CELSR1: variants seen among roughly 807,000 people sequenced by gnomAD.
CELSR1 encodes cadherin EGF LAG seven-pass G-type receptor 1, also known as adhesion G protein-coupled receptor C1.
A neutral mutation model predicts 249.1 loss-of-function variants in CELSR1; 110 were observed. The ratio of observed to expected loss-of-function variants is 0.44; its 90% confidence interval spans 0.38 to 0.52. The LOEUF (loss-of-function observed/expected upper bound fraction) is 0.52. CELSR1 is among the 20% of genes least tolerant of loss of function. CELSR1 has a pLI of 0.00. For synonymous variants in CELSR1, 2,113 were observed against 1,900.0 expected, an observed-to-expected ratio of 1.11 and a Z score of -2.92; for missense variants, 4,109 against 4,296.4, an observed-to-expected ratio of 0.96 and a Z score of 1.22.
Position 46,390,612 on chromosome 22 carries a change from G to A in CELSR1, c.6251-126C>T. On this transcript the variant is annotated intron_variant, in intron 16 of 34. Coordinates refer to ENST00000674500, the MANE Select transcript of CELSR1 (RefSeq NM_001378328.1). This position sits in a 1 kb window ranked among gnomAD's most constrained non-coding sequence, Gnocchi z 6.3. ...TGCGTGGTGGTTAGAACCCCATGGG[G>A]GCCAGGAGGTCGACACCAGCGCCCC... The A allele has an allele frequency of 1.4e-6, 1 of 726,194 alleles. No individual in the cohort carries two copies. The highest frequency in any genetic ancestry group is 2.7e-5 in the Admixed American group (1 of 37,472). The allele number at this position is 726,194 out of a possible 1,614,324, so 45.0% of individuals were successfully genotyped here. A position where few individuals can be genotyped will look rare whatever the true frequency, so the allele number is the denominator to read the frequency against.
intron 28 of CELSR1, 115 bp from the exon 29 acceptor site, chr22:46,367,233 AC>A (rs1418295102): frequency 2.2e-6 from 3 of 1,354,526 alleles, no homozygotes; most frequent in East Asian, 2.5e-5. Context: ...GTCCGGCCAC[AC>A]GGCCCAGGAC....
intron 1 of CELSR1, among the ~76,000 whole-genome samples, chr22:46,531,847 G>A (rs34464113): frequency 6.6e-6 from 1 of 152,154 alleles, no homozygotes; most frequent in Non-Finnish European, 1.5e-5. Flanking sequence ...GTGTGTTGGG[G>A]CGGTGGTGGT....
intron 2 of CELSR1, among the ~76,000 whole-genome samples, chr22:46,442,965 G>A (rs1193373612): frequency 2.0e-5 from 3 of 152,160 alleles, no homozygotes; most frequent in Non-Finnish European, 4.4e-5. Flanking sequence ...GGGTGTGTTG[G>A]CGGGCGCCTG....
rs140951495 is a variant in CELSR1, at chr22:46,413,850, C to T, written c.4612-2091G>A. Among the ~76,000 whole-genome samples the T allele has an allele frequency of 2.0e-3, 300 of 152,304 alleles. 3 individuals carry two copies. Among genetic ancestry groups the T allele is most frequent in the Non-Finnish European group, 3.8e-4 (26 of 68,028 alleles). ...AGATGCGATCCCAGGGAAAGGAGAA[C>T]CTCCCCTCACTTTGTGAGCCCCACC... On this transcript the variant is annotated intron_variant, in intron 5 of 34. Transcript: ENST00000674500. The surrounding 1 kb of genome is among the most constrained non-coding windows in gnomAD (Gnocchi z 4.7).
Position 46,534,362 on chromosome 22 carries a change from C to T in CELSR1, c.2809G>A (p.Gly937Ser), listed in dbSNP as rs778950930. The T allele has an allele frequency of 3.7e-6, 6 of 1,612,818 alleles. No individual in the cohort carries two copies. The highest frequency in any genetic ancestry group is 2.7e-5 in the African/African-American group (2 of 74,936). ...LLYTFQGGDDGDGDFYIEPTS... is the reference protein window; with the variant it reads ...LLYTFQGGDDSDGDFYIEPTS... ...GGCTCGATGTAGAAGTCCCCATCGC[C>T]GTCGTCCCCACCCTGGAAGGTGTAC... The change falls in exon 1 of 35, where the codon GGC becomes AGC. Residue 937 changes from glycine (G) to serine (S), a missense_variant. Physicochemically the swap from Gly to Ser is moderately conservative, Grantham distance 56. This residue lies in a region of CELSR1 where 886 missense variants were observed against 896.5 expected (regional missense o/e 0.99). Coordinates refer to ENST00000674500, the MANE Select transcript of CELSR1 (RefSeq NM_001378328.1). The surrounding 1 kb of genome is among the most constrained non-coding windows in gnomAD (Gnocchi z 9.7).
intron 27 of CELSR1, 160 bp downstream of exon 27, chr22:46,369,019 G>C: frequency 3.4e-6 from 2 of 584,102 alleles, no homozygotes; most frequent in South Asian, 1.9e-5. Flanking sequence ...CAGGTGCAAC[G>C]TGGCAAACCT....
At position 46,409,998 on chromosome 22, in the gene CELSR1, C is replaced by T. The variant is rs2079314176; in HGVS notation, c.4934-118G>A. 1.4e-6 allele frequency: 2 copies of T among 1,395,724 alleles called. No homozygotes were observed. The highest frequency in any genetic ancestry group is 2.0e-6 in the Non-Finnish European group (2 of 1,015,654). 86.5% of individuals were successfully genotyped at this position (1,395,724 alleles called of 1,614,324 possible). A position where few individuals can be genotyped will look rare whatever the true frequency, so the allele number is the denominator to read the frequency against. ...GACCCGGGGCTGGACAGAAGTCAGA[C>T]CAGGTCTGAACGCCCCTGGCAACGG... On this transcript the variant is annotated intron_variant, in intron 7 of 34. Transcript: ENST00000674500. This position sits in a 1 kb window ranked among gnomAD's most constrained non-coding sequence, Gnocchi z 9.8.
Position 46,402,961 on chromosome 22 carries a change from C to A in CELSR1, c.5227-3059G>T, listed in dbSNP as rs2079224113. Among the ~76,000 whole-genome samples, 1 of 152,058 alleles carries A rather than the reference C, an allele frequency of 6.6e-6. No individual in the cohort carries two copies. On this transcript the variant is annotated intron_variant, in intron 9 of 34. Transcript: ENST00000674500. This position sits in a 1 kb window ranked among gnomAD's most constrained non-coding sequence, Gnocchi z 5.0. Reference sequence around the variant, plus strand: ...GAAAGTAAAAGGATAGAAAAAAATACATCATATAAATACCAACCAAAAGAC... The same window carrying A: ...GAAAGTAAAAGGATAGAAAAAAATAAATCATATAAATACCAACCAAAAGAC...
chr22:46,363,875 C>T lies in CELSR1; in HGVS notation c.9035+121G>A, dbSNP rs2147149757. 3.0e-6 allele frequency: 4 copies of T among 1,337,738 alleles called. No homozygotes were observed. The highest frequency in any genetic ancestry group is 2.9e-5 in the Admixed American group (1 of 33,924). The allele number at this position is 1,337,738 out of a possible 1,614,324, so 82.9% of individuals were successfully genotyped here. ...CCTCCCCCATCCCCGCCTGGGCTTC[C>T]TCTGCACTCAGGGCTCCAGGTGAGG... On this transcript the variant is annotated intron_variant, in intron 34 of 34. Coordinates refer to ENST00000674500, the MANE Select transcript of CELSR1 (RefSeq NM_001378328.1). The surrounding 1 kb of genome is among the most constrained non-coding windows in gnomAD (Gnocchi z 4.3).
rs775503253 is a variant in CELSR1 at position 46,433,449 on chromosome 22, G to A, written c.4555C>T (p.Pro1519Ser). Residue 1519 changes from proline to serine, a missense_variant, in exon 5 of 35, where the codon CCC becomes TCC. Transcript: ENST00000674500. The surrounding 1 kb of genome is among the most constrained non-coding windows in gnomAD (Gnocchi z 5.7). ...ETTTTVAPKV[P>S]SGVSDGRWHS... Reference sequence around the variant, plus strand: ...CACCGCCCGTCACTCACACCACTGGGAACCTTCGGTGCCACGGTCGTTGTT... The same window carrying A: ...CACCGCCCGTCACTCACACCACTGGAAACCTTCGGTGCCACGGTCGTTGTT... 3 of 1,614,050 alleles carry A rather than the reference G, an allele frequency of 1.9e-6. No homozygotes were observed. Among genetic ancestry groups the A allele is most frequent in the African/African-American group, 2.7e-5 (2 of 75,060 alleles).
intron 1 of CELSR1, among the ~76,000 whole-genome samples, chr22:46,483,795 G>A (rs1417416987): frequency 1.3e-5 from 2 of 152,172 alleles, no homozygotes; most frequent in African/African-American, 4.8e-5. Context: ...TCCTGCCAAG[G>A]TAGAGTGAGG....
chr22:46,364,102 C>T lies in CELSR1; in HGVS notation c.8929G>A (p.Ala2977Thr), dbSNP rs778590086. 9.3e-6 allele frequency: 15 copies of T among 1,612,112 alleles called. No individual in the cohort carries two copies. The East Asian group carries it at 1.8e-4, about 19-fold the overall frequency. Residue 2977 changes from alanine to threonine, a missense_variant, in exon 34 of 35, where the codon GCC becomes ACC. By Grantham distance (58) the Ala-to-Thr change is moderately conservative (BLOSUM62 0). Coordinates refer to ENST00000674500, the MANE Select transcript of CELSR1 (RefSeq NM_001378328.1). Reference sequence around the variant, plus strand: ...CTCCCAGGGCTCTTGACTGTGATGGCGCAGTCGGGGCCGCCAGAGCCCAGG... The same window carrying T: ...CTCCCAGGGCTCTTGACTGTGATGGTGCAGTCGGGGCCGCCAGAGCCCAGG... ...SSLGSGGPDC[A>T]ITVKSPGREP...
intron 1 of CELSR1, among the ~76,000 whole-genome samples, chr22:46,497,610 C>A (rs1248743509): frequency 2.6e-5 from 4 of 152,116 alleles, no homozygotes; most frequent in African/African-American, 7.2e-5. Flanking sequence ...GAGTTAGGGC[C>A]CCTAATCCAG....
intron 25 of CELSR1, among the ~76,000 whole-genome samples, chr22:46,371,214 G>C (rs148942255): frequency 1.3e-5 from 2 of 152,138 alleles, no homozygotes; most frequent in African/African-American, 2.4e-5. Context: ...AGTCACATCA[G>C]AACACCCTAG....
chr22:46,381,107 T>C lies in CELSR1; in HGVS notation c.7089-152A>G. The C allele has an allele frequency of 1.3e-6, 1 of 768,634 alleles. No homozygotes were observed. The highest frequency in any genetic ancestry group is 2.1e-6 in the Non-Finnish European group (1 of 483,064). 47.6% of individuals were successfully genotyped at this position (768,634 alleles called of 1,614,324 possible). ...GCTCGGACCCACGGACCCCACAGTATCTTCATCCCTAGAGCAGGTTTTATC... is the reference window on the plus strand; with the variant it reads ...GCTCGGACCCACGGACCCCACAGTACCTTCATCCCTAGAGCAGGTTTTATC... On this transcript the variant is annotated intron_variant, in intron 21 of 34. Transcript: ENST00000674500. This position sits in a 1 kb window ranked among gnomAD's most constrained non-coding sequence, Gnocchi z 6.0.
chr22:46,457,002 C>T (rs1013677684), intron 2 of CELSR1, among the ~76,000 whole-genome samples: 1 of 152,140 alleles, frequency 6.6e-6, no homozygotes, highest in African/African-American at 2.4e-5. Context: ...GGCTACTCAC[C>T]TACTCGGTTC....
intron 1 of CELSR1, among the ~76,000 whole-genome samples, chr22:46,485,534 T>C (rs2080304865): frequency 6.6e-6 from 1 of 152,244 alleles, no homozygotes; most frequent in Non-Finnish European, 1.5e-5. Flanking sequence ...TGGCTCATTA[T>C]GGAGGATCCG....
At chr22:46,385,955 G>C (rs2079029006) in intron 19 of CELSR1, among the ~76,000 whole-genome samples, 1 of 147,180 alleles carries the variant, frequency 6.8e-6, no homozygotes, top group South Asian at 2.1e-4. Flanking sequence ...GGGATTACAG[G>C]CGTGAGCCAC....
Position 46,399,987 on chromosome 22 carries a change from G to T in CELSR1, c.5227-85C>A. 7.2e-7 allele frequency: 1 copy of T among 1,381,594 alleles called. No individual in the cohort carries two copies. Among genetic ancestry groups the T allele is most frequent in the Non-Finnish European group, 1.0e-6 (1 of 1,002,098 alleles). 85.6% of individuals were successfully genotyped at this position (1,381,594 alleles called of 1,614,324 possible). A position where few individuals can be genotyped will look rare whatever the true frequency, so the allele number is the denominator to read the frequency against. The stretch of plus-strand genomic sequence containing the variant: ...TTGCAGTCACTTAAACAAGGAAGCT[G>T]TGAAAGGAGACTGATTATGTGGCAC... On this transcript the variant is annotated intron_variant, in intron 9 of 34. Transcript: ENST00000674500. This position sits in a 1 kb window ranked among gnomAD's most constrained non-coding sequence, Gnocchi z 5.0.
Sources: gnomAD v4.1 joint callset for allele counts (sites outside exome capture counted in the v4.1 genomes callset) on GRCh38, gnomAD v4.1.1 for gene constraint, gnomAD v4.1.1 regional missense constraint, Gnocchi (gnomAD v3.1) non-coding constraint, MANE v1.5 for transcripts, NCBI Gene and HGNC (gene_info 2026-07-23, HGNC 2026-07-21) for gene names.